The following ZMAT4 variants were observed in gnomAD, a reference collection of about 807,000 sequenced individuals.
ZMAT4 encodes the protein zinc finger matrin-type protein 4.
A neutral mutation model predicts 28.7 loss-of-function variants in ZMAT4; 17 were observed. The ratio of observed to expected loss-of-function variants is 0.59; its 90% CI spans 0.41 to 0.89. The LOEUF (loss-of-function observed/expected upper bound fraction) is 0.89, where lower values mean the gene tolerates loss of function less well. ZMAT4 is among the 40% of genes least tolerant of loss of function. The probability of loss-of-function intolerance (pLI) is 0.00; values close to 1 mark genes in which losing one functional copy is unlikely to be tolerated. For synonymous variants in ZMAT4, 117 were observed against 109.2 expected, an observed-to-expected ratio of 1.07 and a Z score of -0.44; for missense variants, 240 against 283.8, an observed-to-expected ratio of 0.85 and a Z score of 1.11.
chr8:40,654,822 A>G (rs1410627016), intron 5 of ZMAT4, among the ~76,000 whole-genome samples: 1 of 151,926 alleles, frequency 6.6e-6, no homozygotes, highest in Non-Finnish European at 1.5e-5. Flanking sequence ...GTATTTAAGA[A>G]AAAATCCACA....
At chr8:40,870,635 G>A (rs563909115) in intron 1 of ZMAT4, among the ~76,000 whole-genome samples, 5 of 152,114 alleles carry the variant, frequency 3.3e-5, no homozygotes, top group South Asian at 4.1e-4. Flanking sequence ...CTATGTCCTC[G>A]TACAAGACTG....
chr8:40,599,073 C>T lies in ZMAT4; in HGVS notation c.578-17812G>A, dbSNP rs541143685. ...TTAGTCTAATGCCTGACATTGACCC[C>T]TATTCTAAAATACTTCACAATTGAA... On this transcript the variant is annotated intron_variant, in intron 5 of 6. Transcript: ENST00000297737. Among the ~76,000 whole-genome samples the T allele has an allele frequency of 1.9e-4, 29 of 152,272 alleles. No individual in the cohort carries two copies. In the Middle Eastern group the frequency reaches 0.017, roughly 89 times the overall value.
chr8:40,750,827 G>A lies in ZMAT4; in HGVS notation c.192+16814C>T, dbSNP rs529333392. Reference sequence around the variant, plus strand: ...CCCCCCAAAAACAAACACCAGCATTGGAAATTAACCTTGCAGAACTGAAGT... The same window carrying A: ...CCCCCCAAAAACAAACACCAGCATTAGAAATTAACCTTGCAGAACTGAAGT... On this transcript the variant is annotated intron_variant, in intron 3 of 6. Transcript: ENST00000297737. Among the ~76,000 whole-genome samples the A allele has an allele frequency of 4.6e-5, 7 of 152,302 alleles. No individual in the cohort carries two copies. The South Asian group carries it at 1.5e-3, about 32-fold the overall frequency.
chr8:40,727,894 G>A (rs2150523533), intron 3 of ZMAT4, among the ~76,000 whole-genome samples: 1 of 152,244 alleles, frequency 6.6e-6, no homozygotes, highest in South Asian at 2.1e-4. Flanking sequence ...TTAAGTATTT[G>A]AATAACATTT....
At chr8:40,753,975 C>T (rs1045475460) in intron 3 of ZMAT4, among the ~76,000 whole-genome samples, 2 of 152,052 alleles carry the variant, frequency 1.3e-5, no homozygotes, top group African/African-American at 4.8e-5. Flanking sequence ...AGATAGAGAC[C>T]ATCCTGGCCA....
intron 6 of ZMAT4, among the ~76,000 whole-genome samples, chr8:40,576,788 A>C (rs927343959): frequency 6.6e-6 from 1 of 152,186 alleles, no homozygotes; most frequent in African/African-American, 2.4e-5. Flanking sequence ...ACTACGAAAA[A>C]CCACCAAACT....
At chr8:40,605,039 G>A (rs1805532575) in intron 5 of ZMAT4, among the ~76,000 whole-genome samples, 1 of 151,950 alleles carries the variant, frequency 6.6e-6, no homozygotes, top group Admixed American at 6.6e-5. Context: ...CTCCCGTTTT[G>A]TTTCTAATTA....
intron 1 of ZMAT4, among the ~76,000 whole-genome samples, chr8:40,843,927 C>T (rs1816787845): frequency 6.6e-6 from 1 of 152,094 alleles, no homozygotes; most frequent in Non-Finnish European, 1.5e-5. Flanking sequence ...AAGATCAGTC[C>T]CTTCTATCTT....
intron 3 of ZMAT4, among the ~76,000 whole-genome samples, chr8:40,713,205 G>C (rs1164600822): frequency 1.3e-5 from 2 of 151,984 alleles, no homozygotes; most frequent in Non-Finnish European, 2.9e-5. Flanking sequence ...GGGAGGAAAA[G>C]GACATTATTC....
intron 3 of ZMAT4, among the ~76,000 whole-genome samples, chr8:40,699,228 A>G (rs2150496388): frequency 6.6e-6 from 1 of 152,226 alleles, no homozygotes; most frequent in Admixed American, 6.5e-5. Flanking sequence ...AGCCCATTAA[A>G]TGAGGAGTAG....
chr8:40,613,741 C>G (rs897247084), intron 5 of ZMAT4, among the ~76,000 whole-genome samples: 8 of 152,132 alleles, frequency 5.3e-5, no homozygotes, highest in African/African-American at 1.9e-4. Flanking sequence ...CCAGGCCAGG[C>G]GCATGCCCTG....
At chr8:40,870,678 G>A (rs1165420893) in intron 1 of ZMAT4, among the ~76,000 whole-genome samples, 2 of 152,098 alleles carry the variant, frequency 1.3e-5, no homozygotes, top group African/African-American at 4.8e-5. Flanking sequence ...GAATATTTCT[G>A]GCACCAACAT....
intron 5 of ZMAT4, among the ~76,000 whole-genome samples, chr8:40,656,148 T>C (rs1434692944): frequency 6.6e-6 from 1 of 152,002 alleles, no homozygotes. Flanking sequence ...AGGATATGAA[T>C]AGGTATTTCT....
At chr8:40,731,124 G>T (rs372829189) in intron 3 of ZMAT4, among the ~76,000 whole-genome samples, 7 of 146,832 alleles carry the variant, frequency 4.8e-5, no homozygotes, top group East Asian at 1.9e-4. Flanking sequence ...AAAGAGCTGG[G>T]GGGACACTAT....
chr8:40,883,322 T>C (rs186015546), intron 1 of ZMAT4, among the ~76,000 whole-genome samples: 90 of 152,316 alleles, frequency 5.9e-4, no homozygotes, highest in Admixed American at 2.8e-3. Flanking sequence ...TTTTCCTATT[T>C]CTTTTCCTGT....
intron 4 of ZMAT4, among the ~76,000 whole-genome samples, chr8:40,678,319 C>A (rs7007113): frequency 0.65 from 99,205 of 152,078 alleles, 32,947 homozygotes; most frequent in African/African-American, 0.74. Flanking sequence ...ATAAAAGAAT[C>A]TCTAAAATAG....
intron 6 of ZMAT4, among the ~76,000 whole-genome samples, chr8:40,534,677 C>CTTTTTT (rs34915339): frequency 1.1e-5 from 1 of 87,356 alleles, no homozygotes. Flanking sequence ...CATTTGCTAC[C>CTTTTTT]TTTTTTTTTT....
chr8:40,630,070 C>T (rs1169410760), intron 5 of ZMAT4, among the ~76,000 whole-genome samples: 8 of 152,146 alleles, frequency 5.3e-5, no homozygotes, highest in Non-Finnish European at 1.2e-4. Flanking sequence ...ATTTTCTGCT[C>T]CACAGGGCAG....
At chr8:40,891,962 C>T (rs551190899) in intron 1 of ZMAT4, among the ~76,000 whole-genome samples, 155 of 152,326 alleles carry the variant, frequency 1.0e-3, no homozygotes, top group African/African-American at 3.5e-3. Context: ...AAGCAAAACC[C>T]TCCACAGCTG....
Sources: gnomAD v4.1 joint callset for allele counts (sites outside exome capture counted in the v4.1 genomes callset) on GRCh38, gnomAD v4.1.1 for gene constraint, MANE v1.5 for transcripts, NCBI Gene and HGNC (gene_info 2026-07-23, HGNC 2026-07-21) for gene names.